Variants in LGR5 observed in about 807,000 individuals in gnomAD.
The protein encoded by LGR5 is leucine rich repeat containing G protein-coupled receptor 5, also known as leucine-rich repeat-containing G protein-coupled receptor 5.
LGR5 carries 54 observed loss-of-function variants against 76.7 expected under a neutral mutation model. The ratio of observed to expected loss-of-function variants is 0.70; its 90% CI spans 0.57 to 0.88. LGR5 has a LOEUF of 0.88. Among genes scored for constraint, LGR5 ranks in the 40% least tolerant of loss-of-function variants. LGR5 has a pLI of 0.00. For synonymous variants in LGR5, 406 were observed against 421.9 expected (o/e 0.96, Z 0.46); for missense variants, 1,078 against 1,073.3 (o/e 1.00, Z -0.06).
At chr12:71,565,375 G>A (rs1415704645) in intron 8 of LGR5, among the ~76,000 whole-genome samples, 1 of 147,622 alleles carries the variant, frequency 6.8e-6, no homozygotes, top group Non-Finnish European at 1.5e-5. Flanking sequence ...GAAGAAAATA[G>A]TATCTACACT....
chr12:71,581,019 G>GA (rs1879069539), intron 16 of LGR5, among the ~76,000 whole-genome samples: 1 of 152,128 alleles, frequency 6.6e-6, no homozygotes, highest in Non-Finnish European at 1.5e-5. Flanking sequence ...TGTCCTCAGG[G>GA]GTGATTACTG....
At chr12:71,498,861 T>C (rs773666069) in intron 1 of LGR5, among the ~76,000 whole-genome samples, 4 of 152,110 alleles carry the variant, frequency 2.6e-5, no homozygotes, top group Non-Finnish European at 5.9e-5. Context: ...TTCCATGCAG[T>C]AAGAGGACAG....
chr12:71,500,946 C>A (rs1874570958), intron 1 of LGR5, among the ~76,000 whole-genome samples: 1 of 152,182 alleles, frequency 6.6e-6, no homozygotes, highest in South Asian at 2.1e-4. Flanking sequence ...GGAAATCAAT[C>A]ATCCATTTCT....
chr12:71,580,430 C>T lies in LGR5; in HGVS notation c.1552+7C>T. 6.2e-6 allele frequency: 10 copies of T among 1,609,620 alleles called. No homozygotes were observed. Among genetic ancestry groups the T allele is most frequent in the Non-Finnish European group, 8.5e-6 (10 of 1,177,990 alleles). On this transcript the variant is annotated splice_region_variant and intron_variant, in intron 16 of 17. Transcript: ENST00000266674. ...GGAATGTTTCAGGCTCAAGGTAGGA[C>T]TTGCTATGCCATGGTAATGAAATTG... is the stretch of plus-strand genomic sequence containing the variant.
chr12:71,564,564 C>T (rs1445253182), intron 8 of LGR5, among the ~76,000 whole-genome samples: 170 of 101,702 alleles, frequency 1.7e-3, no homozygotes, highest in African/African-American at 6.2e-3. Flanking sequence ...ACACACGCAC[C>T]GTGTATATAT....
rs775811713 is a variant in LGR5, at chr12:71,584,405, G to A, written c.2395G>A (p.Glu799Lys). The A allele has an allele frequency of 3.7e-6, 6 of 1,614,068 alleles. No homozygotes were observed. In the Admixed American group the frequency reaches 6.7e-5, roughly 18 times the overall value. ...AATAAACCTTACATTTATCAGTCCT[G>A]AAGTAATTAAGTTTATCCTTCTGGT... The part of the protein sequence containing the change: ...SLINLTFISP[E>K]VIKFILLVVV... Residue 799 changes from glutamate (E) to lysine (K), a missense_variant, in exon 18 of 18, where the codon GAA (glutamate) becomes AAA (lysine). By Grantham distance (56) the Glu-to-Lys change is moderately conservative (BLOSUM62 1). Transcript: ENST00000266674.
At chr12:71,519,399 C>A (rs1875613584) in intron 2 of LGR5, among the ~76,000 whole-genome samples, 1 of 152,112 alleles carries the variant, frequency 6.6e-6, no homozygotes, top group South Asian at 2.1e-4. Context: ...TTATATTATT[C>A]ACTTGAGTTT....
At chr12:71,489,484 T>G (rs1463878550) in intron 1 of LGR5, among the ~76,000 whole-genome samples, 2 of 152,222 alleles carry the variant, frequency 1.3e-5, no homozygotes, top group Non-Finnish European at 2.9e-5. Flanking sequence ...TGATTTGAAT[T>G]GATTTTATAG....
chr12:71,472,614 T>A (rs2137245359), intron 1 of LGR5, among the ~76,000 whole-genome samples: 1 of 152,328 alleles, frequency 6.6e-6, no homozygotes, highest in South Asian at 2.1e-4. Context: ...CTATCTTGTG[T>A]GAGATTTTAC....
At chr12:71,482,850 T>C (rs888444052) in intron 1 of LGR5, among the ~76,000 whole-genome samples, 3 of 152,232 alleles carry the variant, frequency 2.0e-5, no homozygotes, top group African/African-American at 7.2e-5. Flanking sequence ...ATTATTCTAG[T>C]GAATACTCAT....
intron 17 of LGR5, among the ~76,000 whole-genome samples, chr12:71,583,250 G>A (rs368723446): frequency 2.0e-4 from 31 of 152,058 alleles, no homozygotes; most frequent in African/African-American, 7.0e-4. Flanking sequence ...ATAATATTAC[G>A]GAGTATTTCC....
rs1025367446 is a variant in LGR5 at position 71,443,094 on chromosome 12, C to G, written c.212+2802C>G. On this transcript the variant is annotated intron_variant, in intron 1 of 17. Transcript: ENST00000266674. ...TTAGTCAAAATGTTATCACCCAATC[C>G]CCTTCAAAAAAAGAACAAGCATTTC... Among the ~76,000 whole-genome samples the G allele has an allele frequency of 1.3e-5, 2 of 151,910 alleles. 1 individual carries two copies. The highest frequency in any genetic ancestry group is 4.8e-5 in the African/African-American group (2 of 41,318).
rs1451507300 is a variant in LGR5 at position 71,566,696 on chromosome 12, A to G, written c.994A>G (p.Ser332Gly). The G allele has an allele frequency of 1.9e-6, 3 of 1,612,460 alleles. No homozygotes were observed. The highest frequency in any genetic ancestry group is 1.7e-4 in the Middle Eastern group (1 of 6,056). ...TTTAACTGGAACTGCAAACCTGGAG[A>G]GTCTGTAAGTACTGAGTAGACTCTT... ...PDLTGTANLE[S>G]LTLTGAQISS... The change falls in exon 10 of 18, where the codon AGT (serine) becomes GGT (glycine). Residue 332 changes from serine to glycine, a missense_variant. Physicochemically the swap from Ser to Gly is moderately conservative, Grantham distance 56 (BLOSUM62 0). Transcript: ENST00000266674.
chr12:71,483,424 G>A (rs922597322), intron 1 of LGR5, among the ~76,000 whole-genome samples: 7 of 152,194 alleles, frequency 4.6e-5, no homozygotes, highest in East Asian at 1.9e-4. Context: ...GAAATGCCAC[G>A]AAGGCATGAG....
intron 11 of LGR5, among the ~76,000 whole-genome samples, chr12:71,568,892 T>C (rs1445964043): frequency 6.6e-6 from 1 of 152,216 alleles, no homozygotes; most frequent in East Asian, 1.9e-4. Context: ...CTGTAGGTTA[T>C]GTGTAACTTT....
At chr12:71,579,595 T>C (rs982698497) in intron 15 of LGR5, among the ~76,000 whole-genome samples, 1 of 152,214 alleles carries the variant, frequency 6.6e-6, no homozygotes, top group Non-Finnish European at 1.5e-5. Context: ...AAGCACATCA[T>C]GGAAAATGGG....
chr12:71,555,185 G>A (rs1877695289), intron 5 of LGR5, among the ~76,000 whole-genome samples: 2 of 152,170 alleles, frequency 1.3e-5, no homozygotes, highest in South Asian at 4.2e-4. Flanking sequence ...ATCTTAGTAT[G>A]GAAGGAAAAG....
intron 4 of LGR5, among the ~76,000 whole-genome samples, chr12:71,538,862 A>C (rs981594105): frequency 6.6e-6 from 1 of 152,212 alleles, no homozygotes; most frequent in Admixed American, 6.5e-5. Flanking sequence ...TGTCTCTGAA[A>C]AAAAGGAAAA....
At chr12:71,568,704 T>C (rs1307360269) in intron 11 of LGR5, among the ~76,000 whole-genome samples, 1 of 152,182 alleles carries the variant, frequency 6.6e-6, no homozygotes, top group Non-Finnish European at 1.5e-5. Flanking sequence ...TTAGCTGAAG[T>C]TGAGACTAGA....
Sources: allele counts gnomAD v4.1 joint callset (sites outside exome capture counted in the v4.1 genomes callset), GRCh38; gene constraint gnomAD v4.1.1; transcripts MANE v1.5; gene names NCBI Gene and HGNC (gene_info 2026-07-23, HGNC 2026-07-21).